DNM3: variants seen among roughly 807,000 people sequenced by gnomAD.
DNM3 encodes the protein dynamin 3, also known as dynamin-3.
DNM3 carries 47 observed loss-of-function variants against 101.6 expected under a neutral mutation model. The observed-to-expected ratio is 0.46, with a 90% CI of 0.37 to 0.59. The LOEUF is 0.59. Ranked by LOEUF, DNM3 falls within the 20% of genes least tolerant of loss-of-function variation. The pLI is 0.00. For synonymous variants in DNM3, 385 were observed against 387.9 expected, an observed-to-expected ratio of 0.99 and a Z score of 0.09; for missense variants, 849 against 1,085.7, an observed-to-expected ratio of 0.78 and a Z score of 3.06.
At chr1:172,344,566 C>A (rs2066844982) in intron 17 of DNM3, among the ~76,000 whole-genome samples, 1 of 152,206 alleles carries the variant, frequency 6.6e-6, no homozygotes, top group South Asian at 2.1e-4. Flanking sequence ...TTCCCACCCA[C>A]TTTCCCAGTG....
chr1:172,052,812 G>T (rs942346955), intron 10 of DNM3, among the ~76,000 whole-genome samples: 16 of 152,212 alleles, frequency 1.1e-4, no homozygotes, highest in African/African-American at 3.6e-4. Context: ...CTCCTTGACA[G>T]ATCATGTCTG....
intron 14 of DNM3, among the ~76,000 whole-genome samples, chr1:172,223,791 G>A (rs2061001157): frequency 6.6e-6 from 1 of 152,114 alleles, no homozygotes; most frequent in Admixed American, 6.6e-5. Flanking sequence ...CTTCGTACTT[G>A]TTCTGTCTAC....
chr1:172,315,746 C>A (rs2065309766), intron 16 of DNM3, among the ~76,000 whole-genome samples: 1 of 152,060 alleles, frequency 6.6e-6, no homozygotes, highest in South Asian at 2.1e-4. Context: ...TGTGAAAAGA[C>A]CAAATCTGCG....
chr1:172,210,665 CT>C (rs2148519433), intron 14 of DNM3, among the ~76,000 whole-genome samples: 1 of 152,158 alleles, frequency 6.6e-6, no homozygotes, highest in East Asian at 1.9e-4. Context: ...CTAAGAAAAC[CT>C]TTTCTTTCAT....
At chr1:171,902,513 A>G (rs1178200501) in intron 1 of DNM3, among the ~76,000 whole-genome samples, 1 of 152,218 alleles carries the variant, frequency 6.6e-6, no homozygotes, top group South Asian at 2.1e-4. Flanking sequence ...AAATCAAAGT[A>G]GTGACCTGGA....
chr1:172,062,416 G>C lies in DNM3; in HGVS notation c.1336-6403G>C, dbSNP rs528777511. ...TTGTTTTTGTTTTTCTACTCTCCTTGTTTCTTAGGTGAGGACTTTTTTGTT... is the reference window on the plus strand; with the variant it reads ...TTGTTTTTGTTTTTCTACTCTCCTTCTTTCTTAGGTGAGGACTTTTTTGTT... On this transcript the variant is annotated intron_variant, in intron 10 of 20. Transcript: ENST00000627582. Among the ~76,000 whole-genome samples, 8 of 152,212 alleles carry C rather than the reference G, an allele frequency of 5.3e-5. No homozygotes were observed. In the East Asian group the frequency reaches 1.5e-3, roughly 29 times the overall value.
intron 16 of DNM3, chr1:172,309,647 G>A (rs2148876464): frequency 6.6e-6 from 1 of 152,310 alleles, no homozygotes; most frequent in African/African-American, 2.4e-5. Context: ...CTTAACTCCT[G>A]AGGTGCCTAC....
exon 21 of DNM3, chr1:172,418,449 G>T: frequency 1.5e-6 from 1 of 657,516 alleles, no homozygotes; most frequent in Non-Finnish European, 2.0e-6. Flanking sequence ...TAAAAACAAA[G>T]TTTATTCTAT....
chr1:172,154,931 T>A (rs1009978531), intron 14 of DNM3, among the ~76,000 whole-genome samples: 5 of 152,114 alleles, frequency 3.3e-5, no homozygotes, highest in Non-Finnish European at 7.4e-5. Context: ...GAGAGGAGAA[T>A]TTTATCCTAA....
At chr1:171,912,443 T>C (rs190944708) in intron 1 of DNM3, among the ~76,000 whole-genome samples, 1 of 152,288 alleles carries the variant, frequency 6.6e-6, no homozygotes, top group Non-Finnish European at 1.5e-5. Flanking sequence ...CTCTCTCTTT[T>C]TCTTTGTCTC....
intron 15 of DNM3, among the ~76,000 whole-genome samples, chr1:172,267,800 C>T (rs1488541032): frequency 6.6e-6 from 1 of 152,094 alleles, no homozygotes; most frequent in Non-Finnish European, 1.5e-5. Context: ...GCAAGCTCCG[C>T]CTCCCGGGTT....
chr1:171,929,101 T>C (rs1469199288), intron 2 of DNM3, among the ~76,000 whole-genome samples: 1 of 151,926 alleles, frequency 6.6e-6, no homozygotes, highest in African/African-American at 2.4e-5. Context: ...GGTCTGGCTA[T>C]GTTTTCATAG....
rs73039367 is a variant in DNM3, at chr1:172,133,126, A to T, written c.1659+1838A>T. Reference sequence around the variant, plus strand: ...ATGTTCCTGGGTGTTAGCAGCAGAGACACTGAAGACTCTGGAGTAGCTACT... The same window carrying T: ...ATGTTCCTGGGTGTTAGCAGCAGAGTCACTGAAGACTCTGGAGTAGCTACT... On this transcript the variant is annotated intron_variant, in intron 14 of 20. Transcript: ENST00000627582. The T allele has an allele frequency of 1.7e-3, 2,373 of 1,401,968 alleles. 30 individuals are homozygous for T. The African/African-American group carries it at 0.029, about 17-fold the overall frequency. 86.8% of individuals were successfully genotyped at this position (1,401,968 alleles called of 1,614,324 possible). A position where few individuals can be genotyped will look rare whatever the true frequency, so the allele number is the denominator to read the frequency against.
intron 14 of DNM3, among the ~76,000 whole-genome samples, chr1:172,244,409 G>A (rs1048630928): frequency 5.9e-5 from 9 of 152,100 alleles, no homozygotes; most frequent in Admixed American, 5.9e-4. Flanking sequence ...GCATCAGAGT[G>A]AACAGGCAAC....
chr1:171,975,954 A>G (rs530807620), intron 2 of DNM3, among the ~76,000 whole-genome samples: 28 of 152,306 alleles, frequency 1.8e-4, no homozygotes, highest in African/African-American at 6.3e-4. Flanking sequence ...AGCCTGGGCA[A>G]CTTAGCAAGA....
rs575951549 is a variant in DNM3, at chr1:172,129,006, C to T, written c.1546-2169C>T. On this transcript the variant is annotated intron_variant, in intron 13 of 20. Coordinates refer to ENST00000627582, the MANE Select transcript of DNM3 (RefSeq NM_015569.5). Reference sequence around the variant, plus strand: ...GATATCTACTGATACGTAGTTTTAACGAGAAAATAAGAAAGCTCAGATTCA... The same window carrying T: ...GATATCTACTGATACGTAGTTTTAATGAGAAAATAAGAAAGCTCAGATTCA... Among the ~76,000 whole-genome samples, 26 of 152,176 alleles carry T rather than the reference C, an allele frequency of 1.7e-4. No individual in the cohort carries two copies. In the East Asian group the frequency reaches 2.1e-3, roughly 12 times the overall value.
intron 15 of DNM3, among the ~76,000 whole-genome samples, chr1:172,261,099 A>G (rs12038494): frequency 0.39 from 59,338 of 151,682 alleles, 12,880 homozygotes; most frequent in Admixed American, 0.48. Context: ...GGCACATGCC[A>G]CTATGTCTGA....
At chr1:171,961,897 A>C (rs1401614313) in intron 2 of DNM3, among the ~76,000 whole-genome samples, 1 of 152,200 alleles carries the variant, frequency 6.6e-6, no homozygotes, top group African/African-American at 2.4e-5. Context: ...TAGAATACCC[A>C]AAAATGGATA....
chr1:172,260,165 G>T (rs10797907), intron 15 of DNM3, among the ~76,000 whole-genome samples: 45,252 of 151,950 alleles, frequency 0.3, 7,047 homozygotes, highest in Middle Eastern at 0.44. Flanking sequence ...CTCCTGTCTT[G>T]TTAGGGTTCT....
Sources: gnomAD v4.1 joint callset for allele counts (sites outside exome capture counted in the v4.1 genomes callset) on GRCh38, gnomAD v4.1.1 for gene constraint, MANE v1.5 for transcripts, NCBI Gene and HGNC (gene_info 2026-07-23, HGNC 2026-07-21) for gene names.